Variants in KLHL32 observed in about 807,000 individuals in gnomAD.
KLHL32 encodes kelch like family member 32, also known as kelch-like protein 32.
KLHL32 carries 35 observed loss-of-function variants against 64.8 expected under a neutral mutation model. That is an observed-to-expected ratio of 0.54 (90% CI 0.41 to 0.72). The LOEUF is 0.72. KLHL32 is among the 30% of genes least tolerant of loss of function. The probability of loss-of-function intolerance (pLI) is 0.00; values close to 1 mark genes in which losing one functional copy is unlikely to be tolerated. For synonymous variants in KLHL32, 259 were observed against 281.0 expected (o/e 0.92, Z 0.78); for missense variants, 589 against 768.5 (o/e 0.77, Z 2.76).
At chr6:97,017,833 C>A (rs918867303) in intron 3 of KLHL32, among the ~76,000 whole-genome samples, 1 of 152,088 alleles carries the variant, frequency 6.6e-6, no homozygotes, top group Admixed American at 6.5e-5. Flanking sequence ...CTCTCTTTCT[C>A]ATCTACAAGC....
chr6:96,906,442 C>G, the KLHL32 span, among the ~76,000 whole-genome samples: 34,833 of 151,886 alleles, frequency 0.23, 4,622 homozygotes, highest in East Asian at 0.37. Flanking sequence ...TTAAAATGAT[C>G]GGAAAGAGTC....
chr6:96,988,258 A>T (rs1270979190), intron 3 of KLHL32, among the ~76,000 whole-genome samples: 1 of 152,076 alleles, frequency 6.6e-6, no homozygotes, highest in Non-Finnish European at 1.5e-5. Flanking sequence ...AATCTACAAG[A>T]AAAAAACAAA....
intron 10 of KLHL32, among the ~76,000 whole-genome samples, chr6:97,136,899 G>C (rs1362138453): frequency 6.6e-6 from 1 of 152,198 alleles, no homozygotes; most frequent in Non-Finnish European, 1.5e-5. Context: ...TTCTAAAAAT[G>C]TTTTCAGTCA....
At chr6:96,921,327 A>C (rs558413046), upstream of KLHL32, among the ~76,000 whole-genome samples, 95 of 152,370 alleles carry the variant, frequency 6.2e-4, no homozygotes, top group African/African-American at 2.1e-3. Context: ...AGAAAATGTA[A>C]ACATGAAATA....
intron 1 of KLHL32, among the ~76,000 whole-genome samples, chr6:96,940,853 C>T (rs373211925): frequency 1.1e-4 from 16 of 152,098 alleles, no homozygotes; most frequent in Middle Eastern, 3.4e-3. Flanking sequence ...ATAGAACAGC[C>T]GAGAGAAAAG....
At chr6:96,973,591 T>C (rs1477875122) in intron 2 of KLHL32, among the ~76,000 whole-genome samples, 2 of 152,190 alleles carry the variant, frequency 1.3e-5, no homozygotes, top group Non-Finnish European at 1.5e-5. Context: ...CATTTCTTAC[T>C]GCTGTGTCAT....
At chr6:97,039,728 GA>G (rs1279645156) in intron 3 of KLHL32, among the ~76,000 whole-genome samples, 1 of 105,236 alleles carries the variant, frequency 9.5e-6, no homozygotes, top group Non-Finnish European at 2.0e-5. Context: ...GCTGAGGTAG[GA>G]GAATCACTTG....
chr6:97,127,288 G>A, intron 7 of KLHL32, 116 bp from the exon 8 acceptor site: 1 of 802,456 alleles, frequency 1.2e-6, no homozygotes, highest in Non-Finnish European at 2.1e-6. Context: ...CACCATGAGG[G>A]TATACAAACA....
At chr6:97,001,579 C>T (rs1779039156) in intron 3 of KLHL32, among the ~76,000 whole-genome samples, 1 of 152,188 alleles carries the variant, frequency 6.6e-6, no homozygotes, top group Admixed American at 6.5e-5. Flanking sequence ...GTGATCCTCA[C>T]ACCTCAGCCT....
At chr6:97,035,650 T>C (rs879512622) in intron 3 of KLHL32, among the ~76,000 whole-genome samples, 2 of 152,082 alleles carry the variant, frequency 1.3e-5, no homozygotes, top group African/African-American at 4.8e-5. Flanking sequence ...GAATGTGTCG[T>C]CCCACTCTCT....
At chr6:97,054,317 A>C (rs114602107) in intron 4 of KLHL32, among the ~76,000 whole-genome samples, 2,417 of 152,278 alleles carry the variant, frequency 0.016, 65 homozygotes, top group African/African-American at 0.055. Context: ...AAAACCATCC[A>C]TTTACATTTT....
chr6:97,026,930 G>A (rs1375490934), intron 3 of KLHL32, among the ~76,000 whole-genome samples: 3 of 152,164 alleles, frequency 2.0e-5, no homozygotes, highest in African/African-American at 7.2e-5. Context: ...TTGGGAGGCC[G>A]AGGCAGGTGG....
At chr6:97,102,227 C>T (rs903893178) in intron 6 of KLHL32, among the ~76,000 whole-genome samples, 3 of 152,072 alleles carry the variant, frequency 2.0e-5, no homozygotes, top group African/African-American at 7.2e-5. Context: ...AGGCATATAC[C>T]AATTTGTGAT....
chr6:96,915,407 A>G, the KLHL32 span, among the ~76,000 whole-genome samples: 7 of 152,316 alleles, frequency 4.6e-5, no homozygotes, highest in East Asian at 1.4e-3. Context: ...AGACACTGAC[A>G]TATGAACAAA....
At chr6:97,104,777 G>T (rs1796183242) in intron 6 of KLHL32, among the ~76,000 whole-genome samples, 1 of 152,056 alleles carries the variant, frequency 6.6e-6, no homozygotes, top group South Asian at 2.1e-4. Flanking sequence ...TTCCTCCATG[G>T]TAACATTTTC....
intron 2 of KLHL32, among the ~76,000 whole-genome samples, chr6:96,968,168 C>T (rs942068660): frequency 1.3e-5 from 2 of 152,168 alleles, no homozygotes; most frequent in Admixed American, 6.5e-5. Context: ...CGCCTCTGCA[C>T]TCCCTATGTG....
intron 4 of KLHL32, among the ~76,000 whole-genome samples, chr6:97,060,732 C>A (rs923610459): frequency 1.8e-4 from 27 of 152,134 alleles, no homozygotes; most frequent in African/African-American, 6.5e-4. Context: ...GTGCCTCCTA[C>A]CAGGAGGGTG....
At chr6:97,020,455 A>G (rs1582737123) in intron 3 of KLHL32, among the ~76,000 whole-genome samples, 1 of 150,924 alleles carries the variant, frequency 6.6e-6, no homozygotes, top group African/African-American at 2.5e-5. Flanking sequence ...AAGTGGGCCT[A>G]TTTTGTTGAC....
intron 6 of KLHL32, among the ~76,000 whole-genome samples, chr6:97,095,615 C>G (rs2128190101): frequency 6.6e-6 from 1 of 152,268 alleles, no homozygotes; most frequent in Non-Finnish European, 1.5e-5. Context: ...ACACAAAATG[C>G]CTTCTAGGCA....
Sources: gnomAD v4.1 joint callset for allele counts (sites outside exome capture counted in the v4.1 genomes callset) on GRCh38, gnomAD v4.1.1 for gene constraint, MANE v1.5 for transcripts, NCBI Gene and HGNC (gene_info 2026-07-23, HGNC 2026-07-21) for gene names.